PCBD2: variants seen among roughly 807,000 people sequenced by gnomAD.
The protein encoded by PCBD2 is pterin-4 alpha-carbinolamine dehydratase 2.
PCBD2 carries 12 observed loss-of-function variants against 16.4 expected under a neutral mutation model. The ratio of observed to expected loss-of-function variants is 0.73; its 90% CI spans 0.47 to 1.19. The LOEUF (loss-of-function observed/expected upper bound fraction) is 1.19. Ranked by LOEUF, PCBD2 falls within the 50% of genes most tolerant of loss-of-function variation. The probability of loss-of-function intolerance (pLI) is 0.00; values close to 1 mark genes in which losing one functional copy is unlikely to be tolerated. For synonymous variants in PCBD2, 58 were observed against 61.8 expected (o/e 0.94, Z 0.29); for missense variants, 138 against 156.8 (o/e 0.88, Z 0.64).
intron 2 of PCBD2, among the ~76,000 whole-genome samples, chr5:134,946,813 A>G (rs771657812): frequency 1.3e-5 from 2 of 152,138 alleles, no homozygotes; most frequent in African/African-American, 2.4e-5. Flanking sequence ...TGCCCAGAGC[A>G]CTTGTTCTCT....
chr5:134,935,419 C>T (rs902402034), intron 2 of PCBD2, among the ~76,000 whole-genome samples: 2 of 152,166 alleles, frequency 1.3e-5, no homozygotes, highest in African/African-American at 4.8e-5. Flanking sequence ...TGAGTCATCT[C>T]CCACATGTTA....
intron 2 of PCBD2, among the ~76,000 whole-genome samples, chr5:134,940,670 A>T (rs1751215775): frequency 6.6e-6 from 1 of 152,174 alleles, no homozygotes; most frequent in Non-Finnish European, 1.5e-5. Context: ...TCTATTCTCT[A>T]GGCACTAAAG....
intron 2 of PCBD2, among the ~76,000 whole-genome samples, chr5:134,945,663 C>T (rs1436617165): frequency 6.6e-6 from 1 of 152,094 alleles, no homozygotes; most frequent in Non-Finnish European, 1.5e-5. Context: ...ATTCAAGATT[C>T]AGCTAAGTTT....
chr5:134,955,135 A>G (rs1751400334), intron 2 of PCBD2, among the ~76,000 whole-genome samples: 1 of 151,754 alleles, frequency 6.6e-6, no homozygotes, highest in African/African-American at 2.4e-5. Context: ...TACAGTATAT[A>G]TATATATATA....
chr5:134,961,148 A>G lies in PCBD2; in HGVS notation c.*467A>G, dbSNP rs1198648934. The G allele has an allele frequency of 1.3e-5, 2 of 153,012 alleles. No individual in the cohort carries two copies. Among genetic ancestry groups the G allele is most frequent in the East Asian group, 1.9e-4 (1 of 5,216 alleles). 9.5% of individuals were successfully genotyped at this position (153,012 alleles called of 1,614,324 possible). On this transcript the variant is annotated 3_prime_UTR_variant, in exon 4 of 4. Transcript: ENST00000254908. Reference sequence around the variant, plus strand: ...TAAGTTGTGTAAATTGTTTGCCTTTATATATTACATTTGGTAAAATCAGTG... The same window carrying G: ...TAAGTTGTGTAAATTGTTTGCCTTTGTATATTACATTTGGTAAAATCAGTG...
intron 2 of PCBD2, among the ~76,000 whole-genome samples, chr5:134,954,670 T>C (rs1243777915): frequency 6.6e-6 from 1 of 152,202 alleles, no homozygotes; most frequent in African/African-American, 2.4e-5. Flanking sequence ...TTTCATTTCT[T>C]AAAGTTTTTG....
chr5:134,906,214 T>TG (rs942341443), intron 1 of PCBD2, among the ~76,000 whole-genome samples: 3 of 136,428 alleles, frequency 2.2e-5, no homozygotes, highest in Non-Finnish European at 4.7e-5. Flanking sequence ...TTTTTTTTTT[T>TG]TTTTTTTGAG....
chr5:134,944,396 A>G (rs1028825983), intron 2 of PCBD2, among the ~76,000 whole-genome samples: 1 of 152,184 alleles, frequency 6.6e-6, no homozygotes, highest in Non-Finnish European at 1.5e-5. Context: ...GTTGGTTAAT[A>G]TAGGCATTTC....
chr5:134,905,630 C>T (rs1292133200), intron 1 of PCBD2: 1 of 175,484 alleles, frequency 5.7e-6, no homozygotes, highest in African/African-American at 2.4e-5. Context: ...TCGCGCTTCA[C>T]TCCAAGGGGA....
At chr5:134,924,988 A>G (rs1016927020) in intron 2 of PCBD2, 1 of 393,436 alleles carries the variant, frequency 2.5e-6, no homozygotes, top group Non-Finnish European at 4.5e-6. Flanking sequence ...AGTGACGCCT[A>G]GGGCTGTGAG....
intron 1 of PCBD2, among the ~76,000 whole-genome samples, chr5:134,907,676 G>T (rs1750713226): frequency 6.6e-6 from 1 of 151,284 alleles, no homozygotes; most frequent in South Asian, 2.1e-4. Context: ...AGGCTGGAGT[G>T]CAGTGGCACG....
chr5:134,923,981 G>A (rs563857168), intron 2 of PCBD2: 10 of 394,462 alleles, frequency 2.5e-5, no homozygotes, highest in Admixed American at 4.4e-5. Context: ...TATTGGATGG[G>A]GTGGGGAGGT....
chr5:134,960,539 C>T, intron 3 of PCBD2, 47 bp from the exon 4 acceptor site: 1 of 1,328,974 alleles, frequency 7.5e-7, no homozygotes, highest in Non-Finnish European at 1.1e-6. Flanking sequence ...GGAAAATAAC[C>T]ATGATTTGCT....
At chr5:134,925,769 G>A (rs1361707481) in intron 2 of PCBD2, 2 of 395,990 alleles carry the variant, frequency 5.1e-6, no homozygotes, top group Non-Finnish European at 8.9e-6. Flanking sequence ...GGGAGTCAGG[G>A]GTGAAGGCCT....
At position 134,962,072 on chromosome 5, in the gene PCBD2, TTGTGTGTGTGTGTGTG is replaced by T. The variant is rs58911694; in HGVS notation, c.*1411_*1426del. Among the ~76,000 whole-genome samples, 2 of 140,492 alleles carry T rather than the reference TTGTGTGTGTGTGTGTG, an allele frequency of 1.4e-5. No individual in the cohort carries two copies. Among genetic ancestry groups the T allele is most frequent in the African/African-American group, 2.7e-5 (1 of 36,952 alleles). 92.2% of individuals were successfully genotyped at this position (140,492 alleles called of 152,430 possible). On this transcript the variant is annotated 3_prime_UTR_variant, in exon 4 of 4. Coordinates refer to ENST00000254908, the MANE Select transcript of PCBD2 (RefSeq NM_032151.5). ...CATTGCCCCCAGCCAGTATAACAGTTTGTGTGTGTGTGTGTGTGTGTGTGTGTGTGTGTGTTTGACA... is the reference window on the plus strand; with the variant it reads ...CATTGCCCCCAGCCAGTATAACAGTTTGTGTGTGTGTGTGTGTGTTTGACA...
intron 2 of PCBD2, among the ~76,000 whole-genome samples, chr5:134,940,181 A>G (rs1477987461): frequency 2.6e-5 from 4 of 152,216 alleles, no homozygotes; most frequent in Admixed American, 2.6e-4. Context: ...TATACTCTGC[A>G]TGGCCCAGAG....
At chr5:134,911,984 T>C (rs1329300015) in intron 2 of PCBD2, among the ~76,000 whole-genome samples, 5 of 152,232 alleles carry the variant, frequency 3.3e-5, no homozygotes, top group East Asian at 1.9e-4. Context: ...GCCTAATTTA[T>C]TGGGCTTGAA....
At chr5:134,918,415 G>T (rs1171752079) in intron 2 of PCBD2, among the ~76,000 whole-genome samples, 1 of 152,224 alleles carries the variant, frequency 6.6e-6, no homozygotes, top group African/African-American at 2.4e-5. Context: ...TGAGGCAGGA[G>T]AATGGCTTGA....
intron 2 of PCBD2, among the ~76,000 whole-genome samples, chr5:134,920,659 CTT>C (rs36005222): frequency 5.0e-5 from 7 of 140,070 alleles, no homozygotes; most frequent in Admixed American, 1.4e-4. Flanking sequence ...AGGATGGAGG[CTT>C]TTTTTTTTTT....
Sources: allele counts gnomAD v4.1 joint callset (sites outside exome capture counted in the v4.1 genomes callset), GRCh38; gene constraint gnomAD v4.1.1; transcripts MANE v1.5; gene names NCBI Gene and HGNC (gene_info 2026-07-23, HGNC 2026-07-21).